Variants in CIMAP1D observed in about 807,000 individuals in gnomAD.
The protein encoded by CIMAP1D is CIMAP1 family member D.
chr19:481,719 T>C, the CIMAP1D span, among the ~76,000 whole-genome samples: 1 of 151,778 alleles, frequency 6.6e-6, no homozygotes, highest in Non-Finnish European at 1.5e-5. Context: ...AGCCAGAAAG[T>C]TGATCACCCA....
At chr19:474,921 G>C in the CIMAP1D span, 1 of 506,794 alleles carries the variant, frequency 2.0e-6, no homozygotes, top group Non-Finnish European at 3.2e-6. Context: ...GGAGTCGTGG[G>C]GCCCTGGCCC....
At chr19:473,728 A>G in the CIMAP1D span, among the ~76,000 whole-genome samples, 2,900 of 40,392 alleles carry the variant, frequency 0.072, 9 homozygotes, top group African/African-American at 0.13. Context: ...GAGATACACG[A>G]TCACAGATGG....
At chr19:467,772 G>A in the CIMAP1D span, 13 of 1,539,418 alleles carry the variant, frequency 8.4e-6, no homozygotes, top group African/African-American at 1.5e-4. Context: ...GCTGGGGAGA[G>A]GAGCCCAGAG....
the CIMAP1D span, chr19:464,218 T>C: frequency 2.0e-6 from 3 of 1,518,060 alleles, no homozygotes; most frequent in Admixed American, 4.6e-5. Context: ...AGAGGGGGCA[T>C]GGTGTAGGCA....
At chr19:475,867 G>A in the CIMAP1D span, among the ~76,000 whole-genome samples, 28,045 of 150,950 alleles carry the variant, frequency 0.19, 5,347 homozygotes, top group African/African-American at 0.47. Flanking sequence ...TCTGCCTCCC[G>A]GGTTTATGCG....
chr19:488,404 C>A, the CIMAP1D span, among the ~76,000 whole-genome samples: 5 of 152,160 alleles, frequency 3.3e-5, no homozygotes, highest in African/African-American at 7.2e-5. Context: ...CGCCTGTAGT[C>A]CCAGCTACTC....
chr19:468,348 G>A, the CIMAP1D span, among the ~76,000 whole-genome samples: 120,574 of 151,730 alleles, frequency 0.79, 47,984 homozygotes, highest in East Asian at 0.9. Context: ...CCTGGGCGAC[G>A]GAGCAAGATG....
chr19:491,285 A>G, the CIMAP1D span, among the ~76,000 whole-genome samples: 4 of 152,142 alleles, frequency 2.6e-5, no homozygotes, highest in Admixed American at 6.6e-5. Context: ...AAAAAAAAAG[A>G]AGGCTTTTAA....
At chr19:488,283 G>T in the CIMAP1D span, among the ~76,000 whole-genome samples, 1 of 152,158 alleles carries the variant, frequency 6.6e-6, no homozygotes. Flanking sequence ...AGCTCCTCGG[G>T]AGGCTGAGGC....
chr19:480,093 C>T, the CIMAP1D span, among the ~76,000 whole-genome samples: 1,157 of 152,332 alleles, frequency 7.6e-3, 16 homozygotes, highest in African/African-American at 0.026. Flanking sequence ...CACGCTCCAG[C>T]AGAGACCAGA....
the CIMAP1D span, chr19:463,874 C>A: frequency 6.2e-7 from 1 of 1,610,412 alleles, no homozygotes; most frequent in Admixed American, 1.7e-5. Flanking sequence ...GCCTGTGCCC[C>A]GCAGGCCGGG....
the CIMAP1D span, chr19:489,459 G>C: frequency 1.3e-5 from 2 of 149,766 alleles, no homozygotes; most frequent in Non-Finnish European, 2.9e-5. Flanking sequence ...CCATCGGCCC[G>C]GCAGTGGACG....
At chr19:488,470 C>A in the CIMAP1D span, among the ~76,000 whole-genome samples, 2 of 151,634 alleles carry the variant, frequency 1.3e-5, no homozygotes, top group African/African-American at 4.8e-5. Flanking sequence ...TGCGGTGAGC[C>A]GAGATGGCGC....
At chr19:488,235 A>G in the CIMAP1D span, among the ~76,000 whole-genome samples, 4 of 152,186 alleles carry the variant, frequency 2.6e-5, no homozygotes, top group South Asian at 8.3e-4. Flanking sequence ...AAATACAAAA[A>G]AAAAAGGCCG....
the CIMAP1D span, among the ~76,000 whole-genome samples, chr19:469,069 A>G: frequency 6.6e-6 from 1 of 152,150 alleles, no homozygotes; most frequent in Non-Finnish European, 1.5e-5. Context: ...TCCCCAACGC[A>G]GGCTCACTGG....
chr19:464,022 G>A, the CIMAP1D span: 68 of 1,603,366 alleles, frequency 4.2e-5, no homozygotes, highest in South Asian at 5.8e-4. Context: ...CAGGGGTCGC[G>A]GGGCCCGGGG....
At chr19:487,438 C>G in the CIMAP1D span, among the ~76,000 whole-genome samples, 1 of 152,174 alleles carries the variant, frequency 6.6e-6, no homozygotes, top group Non-Finnish European at 1.5e-5. Flanking sequence ...TCCTTCGGGC[C>G]GAGGTCAGCC....
At chr19:464,261 CA>C in the CIMAP1D span, 1 of 1,536,590 alleles carries the variant, frequency 6.5e-7, no homozygotes, top group East Asian at 2.5e-5. Context: ...CCAGGGGCTT[CA>C]GGGGGAGGCG....
At chr19:464,689 A>G in the CIMAP1D span, among the ~76,000 whole-genome samples, 2 of 152,102 alleles carry the variant, frequency 1.3e-5, no homozygotes, top group African/African-American at 4.8e-5. Context: ...ACGTGAGCAC[A>G]CTGAGGTGGG....
Sources: gnomAD v4.1 joint callset for allele counts (sites outside exome capture counted in the v4.1 genomes callset) on GRCh38, gnomAD v4.1.1 for gene constraint, MANE v1.5 for transcripts, NCBI Gene and HGNC (gene_info 2026-07-23, HGNC 2026-07-21) for gene names.